Variants in ITK observed in about 807,000 individuals in gnomAD.
The protein encoded by ITK is tyrosine-protein kinase ITK/TSK.
ITK carries 45 observed loss-of-function variants against 87.6 expected under a neutral mutation model. The ratio of observed to expected loss-of-function variants is 0.51; its 90% confidence interval spans 0.40 to 0.66. The LOEUF is 0.66. ITK is among the 30% of genes least tolerant of loss of function. ITK has a pLI of 0.00. For synonymous variants in ITK, 303 were observed against 273.6 expected (o/e 1.11, Z -1.06); for missense variants, 605 against 766.3 (o/e 0.79, Z 2.48).
intron 1 of ITK, among the ~76,000 whole-genome samples, chr5:157,196,474 A>G (rs1753857225): frequency 6.6e-6 from 1 of 152,140 alleles, no homozygotes; most frequent in South Asian, 2.1e-4. Context: ...TCATTTTCCT[A>G]TAAGTTTATT....
rs542821118 is a variant in ITK at position 157,233,579 on chromosome 5, G to A, written c.768+1185G>A. On this transcript the variant is annotated intron_variant, in intron 8 of 16. Coordinates refer to ENST00000422843, the MANE Select transcript of ITK (RefSeq NM_005546.4). ...GATCCACAGAATCAGAGTCTCTAGT[G>A]TTAGTTCCCGGGAATCTGTACTTTC... Among the ~76,000 whole-genome samples, 21 of 152,284 alleles carry A rather than the reference G, an allele frequency of 1.4e-4. No individual in the cohort carries two copies. The East Asian group carries it at 3.9e-3, about 28-fold the overall frequency.
rs528661347 is a variant in ITK, at chr5:157,253,260, C to T, written c.*582C>T. 9 of 246,594 alleles carry T rather than the reference C, an allele frequency of 3.6e-5. No homozygotes were observed. In the East Asian group the frequency reaches 4.6e-4, roughly 13 times the overall value. The allele number at this position is 246,594 out of a possible 1,614,324, so 15.3% of individuals were successfully genotyped here. A position where few individuals can be genotyped will look rare whatever the true frequency, so the allele number is the denominator to read the frequency against. ...GAGAATGATAGAGCAGCTGCTCACA[C>T]AGGAGGCCGGATATTCTGAGAAGCA... On this transcript the variant is annotated 3_prime_UTR_variant, in exon 17 of 17. Transcript: ENST00000422843.
At position 157,217,880 on chromosome 5, in the gene ITK, T is replaced by A. The variant is rs1212046412; in HGVS notation, c.468T>A (p.Pro156=). 4.3e-6 allele frequency: 7 copies of A among 1,614,126 alleles called. No homozygotes were observed. Among genetic ancestry groups the A allele is most frequent in the Non-Finnish European group, 5.1e-6 (6 of 1,179,950 alleles). ...YDPTKNASKK[P]LPPTPEDNRR... is the part of the protein sequence containing the mutation. Reference sequence around the variant, plus strand: ...TTCTCTTTTCAGCTTCAAAGAAGCCTCTTCCTCCTACTCCTGAAGACAACA... The same window carrying A: ...TTCTCTTTTCAGCTTCAAAGAAGCCACTTCCTCCTACTCCTGAAGACAACA... The change falls in exon 5 of 17, where the codon CCT becomes CCA. Residue 156 remains proline (P), a synonymous_variant. Transcript: ENST00000422843.
chr5:157,228,372 T>C lies in ITK; in HGVS notation c.713+11T>C. On this transcript the variant is annotated intron_variant, in intron 7 of 16. Transcript: ENST00000422843. ...TCTGGAAACCTATGAGTAAGATATT[T>C]TATTTGTTTTTGGAAAATACAGTCC... The C allele has an allele frequency of 6.5e-7, 1 of 1,532,494 alleles. No individual in the cohort carries two copies. The highest frequency in any genetic ancestry group is 9.0e-7 in the Non-Finnish European group (1 of 1,105,812). 94.9% of individuals were successfully genotyped at this position (1,532,494 alleles called of 1,614,324 possible).
intron 8 of ITK, among the ~76,000 whole-genome samples, chr5:157,233,244 A>T (rs936184246): frequency 6.6e-6 from 1 of 152,186 alleles, no homozygotes; most frequent in African/African-American, 2.4e-5. Context: ...TCATCCTGCC[A>T]CTTTCTGCTC....
chr5:157,192,248 T>A (rs938681928), intron 1 of ITK, among the ~76,000 whole-genome samples: 7 of 152,180 alleles, frequency 4.6e-5, no homozygotes, highest in South Asian at 2.1e-4. Context: ...AAAGGTCTCC[T>A]ACTCTGCAAA....
chr5:157,209,328 CA>C (rs34768868), intron 2 of ITK, among the ~76,000 whole-genome samples: 13,927 of 122,412 alleles, frequency 0.11, 1,455 homozygotes, highest in African/African-American at 0.3. Flanking sequence ...GAGACTCCGT[CA>C]AAAAAAAAAA....
chr5:157,242,578 C>T (rs999584504), intron 11 of ITK, among the ~76,000 whole-genome samples: 1 of 152,024 alleles, frequency 6.6e-6, no homozygotes, highest in Non-Finnish European at 1.5e-5. Context: ...TGGGCTCAAG[C>T]GATCCTCCCA....
intron 15 of ITK, 80 bp from the exon 16 acceptor site, chr5:157,248,770 G>A: frequency 6.6e-7 from 1 of 1,519,870 alleles, no homozygotes; most frequent in Non-Finnish European, 9.1e-7. Context: ...CAAGGAGTCT[G>A]TAATTTCTAG....
At chr5:157,211,206 A>C in intron 2 of ITK, 81 bp from the exon 3 acceptor site, 3 of 1,147,088 alleles carry the variant, frequency 2.6e-6, no homozygotes, top group Non-Finnish European at 4.0e-6. Flanking sequence ...CCGAGACCCC[A>C]CTCTCGGCTC....
At chr5:157,189,450 C>T (rs917224597) in intron 1 of ITK, among the ~76,000 whole-genome samples, 2 of 152,146 alleles carry the variant, frequency 1.3e-5, no homozygotes, top group Non-Finnish European at 2.9e-5. Context: ...GAGGCCAAGG[C>T]GGGCGGATTA....
intron 8 of ITK, among the ~76,000 whole-genome samples, chr5:157,235,739 C>A (rs1291367225): frequency 6.6e-6 from 1 of 152,214 alleles, no homozygotes; most frequent in Non-Finnish European, 1.5e-5. Flanking sequence ...TGCAGCATAA[C>A]AAGACTATGA....
chr5:157,245,672 G>T (rs1360087914), intron 13 of ITK, 54 bp from the exon 14 acceptor site: 16 of 1,412,280 alleles, frequency 1.1e-5, no homozygotes, highest in African/African-American at 1.4e-5. Context: ...CTTAACTACT[G>T]ATGACTCATC....
intron 1 of ITK, among the ~76,000 whole-genome samples, chr5:157,192,075 T>A (rs1223495406): frequency 1.3e-5 from 2 of 152,206 alleles, no homozygotes; most frequent in African/African-American, 2.4e-5. Flanking sequence ...AACAAAAGAA[T>A]CTCACTGTTG....
chr5:157,221,753 C>T (rs762131677), intron 5 of ITK, among the ~76,000 whole-genome samples: 3 of 152,048 alleles, frequency 2.0e-5, no homozygotes, highest in Non-Finnish European at 4.4e-5. Flanking sequence ...GAACACTATT[C>T]CTCCCTCCAT....
intron 1 of ITK, among the ~76,000 whole-genome samples, chr5:157,189,719 T>C (rs1395198438): frequency 6.6e-6 from 1 of 152,160 alleles, no homozygotes; most frequent in Admixed American, 6.6e-5. Flanking sequence ...GCTCAGTTTC[T>C]TGAACTACAA....
intron 1 of ITK, among the ~76,000 whole-genome samples, chr5:157,186,836 C>T (rs1035340502): frequency 6.6e-6 from 1 of 152,212 alleles, no homozygotes; most frequent in Admixed American, 6.5e-5. Context: ...GTTGTCCCTG[C>T]ACCCGCTTCA....
At chr5:157,223,145 AG>A in intron 6 of ITK, 131 bp downstream of exon 6, 1 of 1,087,674 alleles carries the variant, frequency 9.2e-7, no homozygotes, top group Non-Finnish European at 1.4e-6. Flanking sequence ...CAGAGGCAGA[AG>A]GAAGAGGGAG....
At chr5:157,198,255 G>A (rs1486658289) in intron 1 of ITK, among the ~76,000 whole-genome samples, 8 of 152,094 alleles carry the variant, frequency 5.3e-5, no homozygotes, top group Non-Finnish European at 2.9e-5. Context: ...ATCCTAAATT[G>A]CCCTCTGAAA....
Sources: allele counts gnomAD v4.1 joint callset (sites outside exome capture counted in the v4.1 genomes callset), GRCh38; gene constraint gnomAD v4.1.1; transcripts MANE v1.5; gene names NCBI Gene and HGNC (gene_info 2026-07-23, HGNC 2026-07-21).